The following C8B variants were observed in gnomAD, a reference collection of about 807,000 sequenced individuals.
C8B encodes the protein complement C8 beta chain.
A neutral mutation model predicts 64.6 loss-of-function variants in C8B; 67 were observed. The observed-to-expected ratio is 1.04, with a 90% CI of 0.85 to 1.27. The LOEUF is 1.27. C8B is among the 50% of genes most tolerant of loss of function. C8B has a pLI of 0.00. For missense variants in C8B, 790 were observed against 725.2 expected, an observed-to-expected ratio of 1.09 and a Z score of -1.03; for synonymous variants, 284 against 257.7, an observed-to-expected ratio of 1.10 and a Z score of -0.98.
intron 11 of C8B, 100 bp from the exon 12 acceptor site, chr1:56,929,658 C>A: frequency 9.1e-7 from 1 of 1,101,974 alleles, no homozygotes; most frequent in South Asian, 1.3e-5. Context: ...CTTTGGGAGT[C>A]TGAATCTCTG....
chr1:56,939,083 C>A (rs1644813864), intron 9 of C8B, among the ~76,000 whole-genome samples: 1 of 152,170 alleles, frequency 6.6e-6, no homozygotes, highest in African/African-American at 2.4e-5. Flanking sequence ...TCTCAGTGCC[C>A]AGGTAGGCAC....
In C8B at chr1:56,943,773, C is replaced by T. The variant is rs373307501; in HGVS notation, c.1157G>A (p.Gly386Asp). 2.7e-5 allele frequency: 44 copies of T among 1,613,964 alleles called. No individual in the cohort carries two copies. The highest frequency in any genetic ancestry group is 3.3e-4 in the Middle Eastern group (2 of 6,082). Residue 386 changes from glycine (G) to aspartate (D), a missense_variant, in exon 8 of 12, where the codon GGT (glycine) becomes GAT (aspartate). By Grantham distance (94) the Gly-to-Asp change is moderately conservative (BLOSUM62 -1). Coordinates refer to ENST00000371237, the MANE Select transcript of C8B (RefSeq NM_000066.4). Reference protein sequence around the residue: ...HACAKNDFKIGGAIEEVYVSL... With the variant: ...HACAKNDFKIDGAIEEVYVSL... ...GACGTAGACCTCTTCAATGGCACCA[C>T]CAATTTTAAAATCATTTTTGGCACA...
At chr1:56,932,544 G>A (rs1375444974) in intron 10 of C8B, among the ~76,000 whole-genome samples, 1 of 152,158 alleles carries the variant, frequency 6.6e-6, no homozygotes, top group Non-Finnish European at 1.5e-5. Flanking sequence ...TTGAGTTGAT[G>A]AGCTGACCCC....
intron 4 of C8B, among the ~76,000 whole-genome samples, chr1:56,952,666 G>T (rs577920809): frequency 6.6e-6 from 1 of 152,290 alleles, no homozygotes; most frequent in South Asian, 2.1e-4. Context: ...ATAGATAAGT[G>T]CGTGGACTTT....
In C8B at chr1:56,929,523, T is replaced by C. The variant is rs764821136; in HGVS notation, c.1657A>G (p.Asn553Asp). Residue 553 changes from asparagine (N) to aspartate (D), a missense_variant, in exon 12 of 12, where the codon AAT (asparagine) becomes GAT (aspartate). Asn to Asp is a conservative substitution (Grantham distance 23). Coordinates refer to ENST00000371237, the MANE Select transcript of C8B (RefSeq NM_000066.4). Reference protein sequence around the residue: ...PIDGKWNCWSNWSSCSGRRKT... With the variant: ...PIDGKWNCWSDWSSCSGRRKT... ...CGTCTTCCAGAGCATGAAGACCAATTTGACCAGCAATTCCACTTCCCATCA... is the reference window on the plus strand; with the variant it reads ...CGTCTTCCAGAGCATGAAGACCAATCTGACCAGCAATTCCACTTCCCATCA... 48 of 1,613,788 alleles carry C rather than the reference T, an allele frequency of 3.0e-5. 1 individual carries two copies. The South Asian group carries it at 3.8e-4, about 13-fold the overall frequency.
At chr1:56,955,416 T>C (rs917988601) in intron 3 of C8B, among the ~76,000 whole-genome samples, 1 of 152,228 alleles carries the variant, frequency 6.6e-6, no homozygotes, top group Non-Finnish European at 1.5e-5. Flanking sequence ...TCATTTGGAT[T>C]ATGAAAAATT....
rs767361692 is a variant in C8B at position 56,954,700 on chromosome 1, G to A, written c.519C>T (p.Gly173=). 6.2e-7 allele frequency: 1 copy of A among 1,614,124 alleles called. No homozygotes were observed. Among genetic ancestry groups the A allele is most frequent in the Non-Finnish European group, 8.5e-7 (1 of 1,179,996 alleles). ...TGGTCACTTACCCACTGGCCAGACT[G>A]CCAATTCCCCAGTATTGGTCCATTT... ...QHEMDQYWGI[G]SLASGINLFT... Residue 173 remains glycine, a synonymous_variant, in exon 4 of 12, where the codon GGC becomes GGT. Transcript: ENST00000371237.
At chr1:56,962,958 G>T (rs186662473) in intron 1 of C8B, among the ~76,000 whole-genome samples, 1 of 152,210 alleles carries the variant, frequency 6.6e-6, no homozygotes, top group Admixed American at 6.5e-5. Flanking sequence ...CATTTCTTTT[G>T]TCTGGATGTT....
chr1:56,938,261 A>C (rs1206834991), intron 9 of C8B, among the ~76,000 whole-genome samples: 5 of 152,148 alleles, frequency 3.3e-5, no homozygotes, highest in Non-Finnish European at 7.3e-5. Flanking sequence ...TTTTAAGAAC[A>C]TGTTTATAAC....
chr1:56,961,530 G>C (rs777771026), intron 1 of C8B, among the ~76,000 whole-genome samples: 1 of 152,128 alleles, frequency 6.6e-6, no homozygotes, highest in African/African-American at 2.4e-5. Context: ...GAGTATATAC[G>C]GGTTTTGTCC....
At chr1:56,963,978 G>C in intron 1 of C8B, 4 of 985,314 alleles carry the variant, frequency 4.1e-6, no homozygotes, top group Non-Finnish European at 4.8e-6. Flanking sequence ...TCTACTCGCA[G>C]ATGGAATTCA....
intron 2 of C8B, among the ~76,000 whole-genome samples, chr1:56,957,743 T>C (rs1249548799): frequency 6.6e-6 from 1 of 152,172 alleles, no homozygotes; most frequent in Non-Finnish European, 1.5e-5. Flanking sequence ...CCCTAGCCTG[T>C]TCTCAAGGAG....
chr1:56,935,372 C>G (rs1297710490), intron 9 of C8B, among the ~76,000 whole-genome samples: 1 of 151,936 alleles, frequency 6.6e-6, no homozygotes, highest in East Asian at 1.9e-4. Flanking sequence ...CCTTTTGCTC[C>G]TCCCTCCTTA....
At chr1:56,959,288 T>G (rs1645144132) in intron 2 of C8B, among the ~76,000 whole-genome samples, 1 of 152,200 alleles carries the variant, frequency 6.6e-6, no homozygotes, top group South Asian at 2.1e-4. Flanking sequence ...AATGCAGAAT[T>G]AAATCAGCCT....
At position 56,933,365 on chromosome 1, in the gene C8B, A is replaced by T; in HGVS notation, c.1522T>A (p.Cys508Ser). The part of the protein sequence containing the change: ...KEVSSCHCAP[C>S]QGNGVPVLKG... ...AGGACAGGGACTCCATTTCCTTGGC[A>T]GGGAGCACAGTGGCAGGAACTAACT... The change falls in exon 10 of 12, where the codon TGC (cysteine) becomes AGC (serine). Residue 508 changes from cysteine (C) to serine (S), a missense_variant. By Grantham distance (112) the Cys-to-Ser change is moderately radical. Coordinates refer to ENST00000371237, the MANE Select transcript of C8B (RefSeq NM_000066.4). 6.2e-7 allele frequency: 1 copy of T among 1,613,910 alleles called. No homozygotes were observed.
At chr1:56,944,064 C>A (rs567943814) in intron 7 of C8B, among the ~76,000 whole-genome samples, 1 of 152,230 alleles carries the variant, frequency 6.6e-6, no homozygotes, top group Admixed American at 6.5e-5. Flanking sequence ...AGGATTCTTG[C>A]TGACTTTGAA....
In C8B at chr1:56,931,836, A is replaced by G. The variant is rs751205228; in HGVS notation, c.1595T>C (p.Leu532Pro). The G allele has an allele frequency of 1.2e-6, 2 of 1,612,210 alleles. No homozygotes were observed. The highest frequency in any genetic ancestry group is 1.7e-5 in the Admixed American group (1 of 59,970). ...DCICPVGSQG[L>P]ACEVSYRKNT... is the part of the protein sequence containing the mutation. ...CTTCCGATAGGAGACCTCACAGGCTAGGCCTTGGGATCCAACAGGACAGAT... is the reference window on the plus strand; with the variant it reads ...CTTCCGATAGGAGACCTCACAGGCTGGGCCTTGGGATCCAACAGGACAGAT... Residue 532 changes from leucine (L) to proline (P), a missense_variant, in exon 11 of 12, where the codon CTA (leucine) becomes CCA (proline). Physicochemically the swap from Leu to Pro is moderately conservative, Grantham distance 98. Transcript: ENST00000371237.
chr1:56,943,651 G>A (rs1227054260), intron 8 of C8B, 45 bp downstream of exon 8: 6 of 1,611,144 alleles, frequency 3.7e-6, no homozygotes, highest in South Asian at 2.2e-5. Context: ...GGCACTAGGA[G>A]GATAAACATT....
chr1:56,930,849 G>C (rs1644690909), intron 11 of C8B, among the ~76,000 whole-genome samples: 1 of 152,202 alleles, frequency 6.6e-6, no homozygotes, highest in Non-Finnish European at 1.5e-5. Flanking sequence ...CTTTTACAAT[G>C]TGTAAGGTAT....
Sources: allele counts gnomAD v4.1 joint callset (sites outside exome capture counted in the v4.1 genomes callset), GRCh38; gene constraint gnomAD v4.1.1; transcripts MANE v1.5; gene names NCBI Gene and HGNC (gene_info 2026-07-23, HGNC 2026-07-21).